Variants in RPS6KA6 observed in about 807,000 individuals in gnomAD.
RPS6KA6 encodes the protein ribosomal protein S6 kinase alpha-6.
Under a neutral mutation model 65.4 loss-of-function variants are expected in RPS6KA6, and 27 were observed. The ratio of observed to expected loss-of-function variants is 0.41; its 90% CI spans 0.30 to 0.57. The LOEUF is 0.57. Among genes scored for constraint, RPS6KA6 ranks in the 20% least tolerant of loss-of-function variants. The pLI, the probability that RPS6KA6 is intolerant of heterozygous loss-of-function variation, is 0.24. For missense variants in RPS6KA6, 486 were observed against 555.6 expected (o/e 0.87, Z 1.26); for synonymous variants, 190 against 184.2 (o/e 1.03, Z -0.26).
chrX:84,168,203 C>CTGTA (rs1379791442), intron 1 of RPS6KA6, among the ~76,000 whole-genome samples: 1 of 110,909 alleles, frequency 9.0e-6, no homozygotes, highest in Non-Finnish European at 1.9e-5. Flanking sequence ...CCTTGAAACA[C>CTGTA]TGTAATTCCT....
In RPS6KA6 at chrX:84,183,117, T is replaced by A. The variant is rs6653031; in HGVS notation, c.81+4702A>T. ...ATTTCATTTTAGCTTTCTATCTCCC[T>A]ATACTGCAAAGATCTATTTATTTTT... On this transcript the variant is annotated intron_variant, in intron 1 of 21. Coordinates refer to ENST00000262752, the MANE Select transcript of RPS6KA6 (RefSeq NM_014496.5). Among the ~76,000 whole-genome samples, 926 of 112,170 alleles carry A rather than the reference T, an allele frequency of 8.3e-3. 9 individuals carry two copies. The highest frequency in any genetic ancestry group is 0.029 in the African/African-American group (885 of 30,869).
chrX:84,119,648 T>C (rs2034632906), intron 9 of RPS6KA6, among the ~76,000 whole-genome samples: 1 of 111,440 alleles, frequency 9.0e-6, no homozygotes, highest in South Asian at 3.8e-4. Flanking sequence ...CAAATATGAA[T>C]AGTTTATAAT....
chrX:84,158,147 G>C (rs766180652), intron 2 of RPS6KA6, among the ~76,000 whole-genome samples: 1 of 110,169 alleles, frequency 9.1e-6, no homozygotes, highest in South Asian at 3.9e-4. Flanking sequence ...GATCTCATGA[G>C]AGCAGAAAGA....
chrX:84,114,170 A>C (rs187717890), intron 12 of RPS6KA6, among the ~76,000 whole-genome samples: 16 of 111,695 alleles, frequency 1.4e-4, no homozygotes, highest in African/African-American at 4.9e-4. Flanking sequence ...ATGCTCATGA[A>C]TTGAAAGAAT....
At chrX:84,158,376 T>C (rs1277649806) in intron 2 of RPS6KA6, among the ~76,000 whole-genome samples, 5 of 110,320 alleles carry the variant, frequency 4.5e-5, no homozygotes, top group Non-Finnish European at 9.5e-5. Context: ...AATTAAACAA[T>C]AAGAAATCTC....
At chrX:84,184,602 T>C (rs1475843999) in intron 1 of RPS6KA6, among the ~76,000 whole-genome samples, 2 of 110,932 alleles carry the variant, frequency 1.8e-5, no homozygotes, top group Non-Finnish European at 3.8e-5. Context: ...AAGCTGTTCT[T>C]TCCTCTATTA....
At chrX:84,183,717 C>T (rs1429420532) in intron 1 of RPS6KA6, among the ~76,000 whole-genome samples, 2 of 111,240 alleles carry the variant, frequency 1.8e-5, no homozygotes, top group African/African-American at 6.6e-5. Context: ...ATGCTCCTTT[C>T]ATCTGTCTGT....
intron 3 of RPS6KA6, among the ~76,000 whole-genome samples, chrX:84,149,938 T>C (rs1437193559): frequency 5.3e-5 from 6 of 112,274 alleles, no homozygotes; most frequent in African/African-American, 1.6e-4. Context: ...CAGAAGGCTG[T>C]TTCTTCTACA....
intron 1 of RPS6KA6, among the ~76,000 whole-genome samples, chrX:84,181,902 C>T (rs890904047): frequency 9.0e-6 from 1 of 111,149 alleles, no homozygotes; most frequent in Non-Finnish European, 1.9e-5. Context: ...ATATCTCCTA[C>T]TTTGTTTTCC....
At chrX:84,111,360 A>G (rs1487724859) in intron 12 of RPS6KA6, among the ~76,000 whole-genome samples, 2 of 111,387 alleles carry the variant, frequency 1.8e-5, no homozygotes, top group East Asian at 5.6e-4. Flanking sequence ...GACACTACAG[A>G]ATACAAACAT....
chrX:84,145,677 A>G (rs1314570575), intron 5 of RPS6KA6, 120 bp from the exon 6 acceptor site: 3 of 387,825 alleles, frequency 7.7e-6, no homozygotes, highest in East Asian at 4.7e-5. Context: ...TCATTAATGG[A>G]TAACATCTCA....
chrX:84,071,850 G>C (rs776256640), intron 20 of RPS6KA6, among the ~76,000 whole-genome samples: 5 of 111,320 alleles, frequency 4.5e-5, no homozygotes, highest in Admixed American at 2.9e-4. Flanking sequence ...AAATTGATAC[G>C]TTCCTGGATA....
chrX:84,108,521 C>T (rs1246082973), intron 12 of RPS6KA6, among the ~76,000 whole-genome samples: 7 of 111,418 alleles, frequency 6.3e-5, no homozygotes, highest in Admixed American at 1.9e-4. Context: ...AAAGCCATGC[C>T]GTCAGGTGAA....
At chrX:84,155,784 A>T (rs1396432445) in intron 3 of RPS6KA6, among the ~76,000 whole-genome samples, 1 of 112,518 alleles carries the variant, frequency 8.9e-6, no homozygotes, top group Non-Finnish European at 1.9e-5. Context: ...ACCATTTTTT[A>T]CAAAAATCAA....
chrX:84,093,936 CTTG>C (rs2034098603), intron 20 of RPS6KA6, among the ~76,000 whole-genome samples: 1 of 111,239 alleles, frequency 9.0e-6, no homozygotes, highest in Admixed American at 9.7e-5. Flanking sequence ...TTTGGTATGA[CTTG>C]TTGTATTGCT....
intron 18 of RPS6KA6, among the ~76,000 whole-genome samples, chrX:84,101,259 T>C (rs954422612): frequency 1.8e-5 from 2 of 111,251 alleles, no homozygotes; most frequent in East Asian, 5.6e-4. Flanking sequence ...ATAAAGAACT[T>C]ATATGGCCAA....
At chrX:84,079,959 C>A (rs2033756372) in intron 20 of RPS6KA6, among the ~76,000 whole-genome samples, 1 of 112,035 alleles carries the variant, frequency 8.9e-6, no homozygotes, top group Non-Finnish European at 1.9e-5. Flanking sequence ...TCTCCCAGCG[C>A]AGCGCTCGAG....
chrX:84,188,010 G>A lies in RPS6KA6; in HGVS notation c.-111C>T. 1 of 410,507 alleles carries A rather than the reference G, an allele frequency of 2.4e-6. No homozygotes were observed. The highest frequency in any genetic ancestry group is 3.1e-6 in the Non-Finnish European group (1 of 320,886). The allele number at this position is 410,507 out of a possible 1,213,427, so 33.8% of individuals were successfully genotyped here. On this transcript the variant is annotated 5_prime_UTR_variant, in exon 1 of 22. Transcript: ENST00000262752. ...CCGCCGCCGCCGCCGCCGCCGCCGCGACCCCCAGCCCCGCCTTCAGCGAGC... is the reference window on the plus strand; with the variant it reads ...CCGCCGCCGCCGCCGCCGCCGCCGCAACCCCCAGCCCCGCCTTCAGCGAGC...
chrX:84,187,868 C>T lies in RPS6KA6; in HGVS notation c.32G>A (p.Trp11Ter). The change falls in exon 1 of 22, where the codon TGG becomes TAG. Residue 11 changes from tryptophan to a stop codon, truncating the protein, a stop_gained. Coordinates refer to ENST00000262752, the MANE Select transcript of RPS6KA6 (RefSeq NM_014496.5). LOFTEE classifies it high-confidence loss of function. Reference sequence around the variant, plus strand: ...GCTGAACACTTCCATTTCTCGGTCCCAGGGCTCGTCCTGAGGAGCGAATGG... The same window carrying T: ...GCTGAACACTTCCATTTCTCGGTCCTAGGGCTCGTCCTGAGGAGCGAATGG... MLPFAPQDEP[W>*]DREMEVFSGG... The T allele has an allele frequency of 4.2e-6, 5 of 1,202,341 alleles. No individual in the cohort carries two copies. Among genetic ancestry groups the T allele is most frequent in the Non-Finnish European group, 4.5e-6 (4 of 891,063 alleles).
Sources: allele counts gnomAD v4.1 joint callset (sites outside exome capture counted in the v4.1 genomes callset), GRCh38; gene constraint gnomAD v4.1.1; transcripts MANE v1.5; gene names NCBI Gene and HGNC (gene_info 2026-07-23, HGNC 2026-07-21).